The following SNX31 variants were observed in gnomAD, a reference collection of about 807,000 sequenced individuals.
SNX31 encodes sorting nexin-31.
A neutral mutation model predicts 65.4 loss-of-function variants in SNX31; 58 were observed. The observed-to-expected ratio is 0.89, with a 90% CI of 0.72 to 1.10. The LOEUF is 1.10. Among genes scored for constraint, SNX31 ranks in the 50% least tolerant of loss-of-function variants. The probability of loss-of-function intolerance (pLI) is 0.00; values close to 1 mark genes in which losing one functional copy is unlikely to be tolerated. For synonymous variants in SNX31, 181 were observed against 190.1 expected, an observed-to-expected ratio of 0.95 and a Z score of 0.39; for missense variants, 523 against 529.7, an observed-to-expected ratio of 0.99 and a Z score of 0.12.
At chr8:100,595,859 T>G (rs1309067128) in intron 10 of SNX31, among the ~76,000 whole-genome samples, 2 of 152,114 alleles carry the variant, frequency 1.3e-5, no homozygotes, top group African/African-American at 4.8e-5. Context: ...TGTAGAGGAA[T>G]GATGCTAGAA....
chr8:100,602,452 G>A (rs1445934373), intron 8 of SNX31, among the ~76,000 whole-genome samples: 1 of 152,182 alleles, frequency 6.6e-6, no homozygotes, highest in Non-Finnish European at 1.5e-5. Context: ...AGACTCCCAG[G>A]AGGGATGCCT....
rs1048625291 is a variant in SNX31, at chr8:100,635,925, C to T, written c.228G>A (p.Arg76=). Residue 76 remains arginine, a synonymous_variant, in exon 3 of 14, where the codon AGG becomes AGA. Coordinates refer to ENST00000311812, the MANE Select transcript of SNX31 (RefSeq NM_152628.4). ...TTTGCAAATATTGTTCCAGTTGGTC[C>T]CTCCTCTCATCAGCCATAGCTGTGG... ...AMTTAMADER[R]DQLEQYLQNV... 1.2e-6 allele frequency: 2 copies of T among 1,613,698 alleles called. No individual in the cohort carries two copies. Among genetic ancestry groups the T allele is most frequent in the African/African-American group, 2.7e-5 (2 of 74,886 alleles).
intron 5 of SNX31, among the ~76,000 whole-genome samples, chr8:100,615,985 A>G (rs1453297903): frequency 6.6e-6 from 1 of 152,156 alleles, no homozygotes; most frequent in African/African-American, 2.4e-5. Flanking sequence ...TGTGTTAGCC[A>G]GAATGGTCTC....
intron 10 of SNX31, among the ~76,000 whole-genome samples, chr8:100,595,318 T>G (rs894440328): frequency 7.3e-5 from 11 of 151,464 alleles, no homozygotes; most frequent in African/African-American, 2.4e-4. Context: ...TTTGTTGTTT[T>G]TTTTTTTTTT....
At position 100,574,046 on chromosome 8, in the gene SNX31, A is replaced by G. The variant is rs1586818429; in HGVS notation, c.1228-86T>C. On this transcript the variant is annotated intron_variant, in intron 13 of 13. Coordinates refer to ENST00000311812, the MANE Select transcript of SNX31 (RefSeq NM_152628.4). ...ACAAAGTCACAGAGGTTAAAACAGT[A>G]TTGAAAGGGCAACAGAAAGCTTACA... is the stretch of plus-strand genomic sequence containing the variant. 8 of 709,876 alleles carry G rather than the reference A, an allele frequency of 1.1e-5. No homozygotes were observed. In the East Asian group the frequency reaches 2.2e-4, roughly 20 times the overall value. The allele number at this position is 709,876 out of a possible 1,614,324, so 44.0% of individuals were successfully genotyped here.
chr8:100,625,908 C>T lies in SNX31; in HGVS notation c.321+4419G>A, dbSNP rs1309761607. ...AGCATGGCTGGGGAAAGAAAAGGGA[C>T]TGGCATTAAGATTTTGCTTTTTAAA... On this transcript the variant is annotated intron_variant, in intron 4 of 13. Coordinates refer to ENST00000311812, the MANE Select transcript of SNX31 (RefSeq NM_152628.4). The surrounding 1 kb of genome is among the most constrained non-coding windows in gnomAD (Gnocchi z 4.2). 6.6e-6 allele frequency among the ~76,000 whole-genome samples: 1 copy of T among 152,168 alleles called. No individual in the cohort carries two copies. Among genetic ancestry groups the T allele is most frequent in the Non-Finnish European group, 1.5e-5 (1 of 68,034 alleles).
chr8:100,641,656 ATATG>A (rs60345327), intron 2 of SNX31, among the ~76,000 whole-genome samples: 932 of 38,730 alleles, frequency 0.024, 18 homozygotes, highest in Middle Eastern at 0.042. Context: ...ATATATATAT[ATATG>A]TATGGTACTT....
In SNX31 at chr8:100,575,959, T is replaced by G. The variant is rs1212493372; in HGVS notation, c.1227+1060A>C. Among the ~76,000 whole-genome samples the G allele has an allele frequency of 6.6e-6, 1 of 151,996 alleles. No homozygotes were observed. The highest frequency in any genetic ancestry group is 1.5e-5 in the Non-Finnish European group (1 of 67,968). On this transcript the variant is annotated intron_variant, in intron 13 of 13. Transcript: ENST00000311812. This position sits in a 1 kb window ranked among gnomAD's most constrained non-coding sequence, Gnocchi z 5.1. ...GCTGTCGGCATGCTGCTAAAATGGG[T>G]GCATTAAAATGATGAAGTGATTGCC...
Position 100,614,843 on chromosome 8 carries a change from C to T in SNX31, c.433-1758G>A, listed in dbSNP as rs183781703. On this transcript the variant is annotated intron_variant, in intron 5 of 13. Coordinates refer to ENST00000311812, the MANE Select transcript of SNX31 (RefSeq NM_152628.4). This position sits in a 1 kb window ranked among gnomAD's most constrained non-coding sequence, Gnocchi z 5.1. ...GCAGTGAGCCAAGATTGTACCATTG[C>T]ATTCCAGCCTAGGCAACAAGAGTGA... 5.3e-5 allele frequency among the ~76,000 whole-genome samples: 8 copies of T among 152,304 alleles called. No homozygotes were observed. Among genetic ancestry groups the T allele is most frequent in the Admixed American group, 5.2e-4 (8 of 15,302 alleles).
chr8:100,642,036 G>A (rs1248403970), intron 2 of SNX31, among the ~76,000 whole-genome samples: 5 of 151,706 alleles, frequency 3.3e-5, no homozygotes, highest in African/African-American at 9.7e-5. Context: ...CCGAGATCGC[G>A]CCACTGCACT....
chr8:100,598,889 T>A (rs1419896262), intron 9 of SNX31, among the ~76,000 whole-genome samples: 1 of 152,212 alleles, frequency 6.6e-6, no homozygotes, highest in Non-Finnish European at 1.5e-5. Context: ...TGTAACTGTG[T>A]GCCAATAAAA....
chr8:100,580,875 G>A (rs1403525013), intron 12 of SNX31, among the ~76,000 whole-genome samples: 4 of 152,092 alleles, frequency 2.6e-5, no homozygotes, highest in Non-Finnish European at 5.9e-5. Flanking sequence ...TTTAAATAAA[G>A]CAATCCTTTA....
At chr8:100,641,806 T>C (rs1265594255) in intron 2 of SNX31, among the ~76,000 whole-genome samples, 4 of 148,678 alleles carry the variant, frequency 2.7e-5, no homozygotes, top group Non-Finnish European at 4.5e-5. Flanking sequence ...AGGCCGGGCG[T>C]GGTGGCTCAC....
chr8:100,652,727 G>C (rs900852421), upstream of SNX31, among the ~76,000 whole-genome samples: 4 of 152,048 alleles, frequency 2.6e-5, no homozygotes, highest in Non-Finnish European at 5.9e-5. Flanking sequence ...GCTCTGTCTT[G>C]TTCTGGAACT....
chr8:100,638,079 A>T (rs1235761121), intron 2 of SNX31, among the ~76,000 whole-genome samples: 1 of 152,060 alleles, frequency 6.6e-6, no homozygotes, highest in Non-Finnish European at 1.5e-5. Context: ...CTGAGGCAGG[A>T]GGGTTGCTTG....
upstream of SNX31, chr8:100,649,785 C>G (rs1486565026): frequency 7.4e-6 from 3 of 406,544 alleles, no homozygotes; most frequent in South Asian, 6.3e-5. Flanking sequence ...CACCCCCACC[C>G]CGGACATCGG....
intron 8 of SNX31, among the ~76,000 whole-genome samples, chr8:100,606,061 G>A (rs1816125296): frequency 1.3e-5 from 2 of 151,590 alleles, no homozygotes; most frequent in East Asian, 1.9e-4. Context: ...TTTGAGACAG[G>A]TTCTTGGTAT....
At position 100,613,201 on chromosome 8, in the gene SNX31, G is replaced by T. The variant is rs1816867810; in HGVS notation, c.433-116C>A. On this transcript the variant is annotated intron_variant, in intron 5 of 13. Transcript: ENST00000311812. This position sits in a 1 kb window ranked among gnomAD's most constrained non-coding sequence, Gnocchi z 5.2. ...ACATCAATAAAAAATGCTGTCATGGGTTAGTGAACACTCAAAGAAAGCTTT... is the reference window on the plus strand; with the variant it reads ...ACATCAATAAAAAATGCTGTCATGGTTTAGTGAACACTCAAAGAAAGCTTT... 3 of 742,520 alleles carry T rather than the reference G, an allele frequency of 4.0e-6. No individual in the cohort carries two copies. The highest frequency in any genetic ancestry group is 1.8e-5 in the African/African-American group (1 of 56,646). 46.0% of individuals were successfully genotyped at this position (742,520 alleles called of 1,614,324 possible).
chr8:100,587,808 G>T (rs992049173), intron 11 of SNX31, among the ~76,000 whole-genome samples: 3 of 152,032 alleles, frequency 2.0e-5, no homozygotes, highest in African/African-American at 7.2e-5. Context: ...TTTAGACTTG[G>T]GTCCCATCCT....
Sources: gnomAD v4.1 joint callset for allele counts (sites outside exome capture counted in the v4.1 genomes callset) on GRCh38, gnomAD v4.1.1 for gene constraint, Gnocchi (gnomAD v3.1) non-coding constraint, MANE v1.5 for transcripts, NCBI Gene and HGNC (gene_info 2026-07-23, HGNC 2026-07-21) for gene names.